Variants in PLEKHG5 observed in about 807,000 individuals in gnomAD.
The protein encoded by PLEKHG5 is pleckstrin homology domain-containing family G member 5.
In PLEKHG5, 52 loss-of-function variants were observed where a neutral mutation model predicts 103.8. The observed-to-expected ratio is 0.50, with a 90% CI of 0.40 to 0.63. The LOEUF (loss-of-function observed/expected upper bound fraction) is 0.63, where lower values mean the gene tolerates loss of function less well. Among genes scored for constraint, PLEKHG5 ranks in the 30% least tolerant of loss-of-function variants. The probability of loss-of-function intolerance (pLI) is 0.00; values close to 1 mark genes in which losing one functional copy is unlikely to be tolerated. For synonymous variants in PLEKHG5, 592 were observed against 575.5 expected (o/e 1.03, Z -0.41); for missense variants, 1,205 against 1,347.6 (o/e 0.89, Z 1.66).
rs1422946016 is a variant in PLEKHG5, at chr1:6,468,243, G to A, written c.2593C>T (p.Gln865Ter). The change falls in exon 20 of 21, where the codon CAG becomes TAG. Residue 865 changes from glutamine to a stop codon, truncating the protein, a stop_gained. Coordinates refer to ENST00000377728, the MANE Select transcript of PLEKHG5 (RefSeq NM_020631.6). LOFTEE classifies it high-confidence loss of function. ...SPRLRRRTPV[Q>*]LLSCPPHLLK... ...AGGTGGGGCGGGCAGCTCAACAGCT[G>A]GACAGGGGTGCGGCGGCGGAGACGG... 2.5e-6 allele frequency: 4 copies of A among 1,600,166 alleles called. No homozygotes were observed. Among genetic ancestry groups the A allele is most frequent in the South Asian group, 1.1e-5 (1 of 89,476 alleles).
chr1:6,479,448 G>A lies in PLEKHG5; in HGVS notation c.-87-1790C>T, dbSNP rs576079924. ...ACTACAGGCGCCCGCCACCACGCCC[G>A]GCTAATTTTTTGTATTTTTGGTAGA... On this transcript the variant is annotated intron_variant, in intron 1 of 20. Transcript: ENST00000377728. Among the ~76,000 whole-genome samples the A allele has an allele frequency of 4.7e-3, 709 of 151,584 alleles. 6 individuals carry two copies. Among genetic ancestry groups the A allele is most frequent in the African/African-American group, 0.017 (690 of 41,320 alleles).
At chr1:6,489,668 G>A (rs538338420) in intron 1 of PLEKHG5, among the ~76,000 whole-genome samples, 1 of 152,272 alleles carries the variant, frequency 6.6e-6, no homozygotes, top group African/African-American at 2.4e-5. Context: ...TCCTTGGTAG[G>A]GAGCGGGGGA....
chr1:6,472,659 G>A (rs1465359074), intron 9 of PLEKHG5, 37 bp from the exon 10 acceptor site: 1 of 1,497,974 alleles, frequency 6.7e-7, no homozygotes, highest in Non-Finnish European at 9.2e-7. Context: ...CACGAGGCCT[G>A]GAGCACCTTA....
chr1:6,486,358 C>A lies in PLEKHG5; in HGVS notation c.-88+5279G>T, dbSNP rs67811337. On this transcript the variant is annotated intron_variant, in intron 1 of 20. Coordinates refer to ENST00000377728, the MANE Select transcript of PLEKHG5 (RefSeq NM_020631.6). The surrounding 1 kb of genome is among the most constrained non-coding windows in gnomAD (Gnocchi z 5.3). Reference sequence around the variant, plus strand: ...CACACACCCACCCCAACCTCACAACCAGCTCTCATCTCAGCCCCTCCCATC... The same window carrying A: ...CACACACCCACCCCAACCTCACAACAAGCTCTCATCTCAGCCCCTCCCATC... 0.055 allele frequency among the ~76,000 whole-genome samples: 8,293 copies of A among 152,040 alleles called. 296 individuals carry two copies. The highest frequency in any genetic ancestry group is 0.087 in the South Asian group (418 of 4,812).
At position 6,486,003 on chromosome 1, in the gene PLEKHG5, A is replaced by C. The variant is rs1484109852; in HGVS notation, c.-88+5634T>G. On this transcript the variant is annotated intron_variant, in intron 1 of 20. Coordinates refer to ENST00000377728, the MANE Select transcript of PLEKHG5 (RefSeq NM_020631.6). The surrounding 1 kb of genome is among the most constrained non-coding windows in gnomAD (Gnocchi z 5.3). ...CCCCCCCCCACCTTGGAGACTGTGG[A>C]GCCCCTCCCCTGGGTGACTCGATCC... The C allele has an allele frequency of 1.5e-6, 1 of 667,916 alleles. No homozygotes were observed. Among genetic ancestry groups the C allele is most frequent in the Non-Finnish European group, 1.8e-6 (1 of 548,820 alleles). The allele number at this position is 667,916 out of a possible 1,614,324, so 41.4% of individuals were successfully genotyped here. A position where few individuals can be genotyped will look rare whatever the true frequency, so the allele number is the denominator to read the frequency against.
At chr1:6,504,388 C>G (rs531793384) in intron 1 of PLEKHG5, among the ~76,000 whole-genome samples, 3 of 152,064 alleles carry the variant, frequency 2.0e-5, no homozygotes, top group Non-Finnish European at 4.4e-5. Flanking sequence ...CTTCTGCGCA[C>G]GTCCCGATGG....
In PLEKHG5 at chr1:6,470,861, G is replaced by A. The variant is rs1158284685; in HGVS notation, c.1416C>T (p.Cys472=). 6.4e-7 allele frequency: 1 copy of A among 1,574,170 alleles called. No homozygotes were observed. The highest frequency in any genetic ancestry group is 2.3e-5 in the East Asian group (1 of 43,040). Residue 472 remains cysteine (C), a synonymous_variant, in exon 14 of 21, where the codon TGC becomes TGT. Transcript: ENST00000377728. ...YITWAEKHPQ[C]QRLKLSDMLA... ...GCATGTCGCTCAGCTTCAGCCTCTG[G>A]CACTGTGGGTGCTTCTCCGCCCACT...
chr1:6,483,622 A>T (rs1644953741), intron 1 of PLEKHG5, among the ~76,000 whole-genome samples: 1 of 152,148 alleles, frequency 6.6e-6, no homozygotes, highest in South Asian at 2.1e-4. Flanking sequence ...CCATGATCAC[A>T]TTGCTGCACT....
In PLEKHG5 at chr1:6,473,040, G is replaced by A; in HGVS notation, c.930C>T (p.Asp310=). ...EEEYDEDEDE[D]NACLRLEDSW... ...TGTCCTCCAGCCTCAGGCAGGCATTGTCCTCATCCTCGTCTTCATCGTACT... is the reference window on the plus strand; with the variant it reads ...TGTCCTCCAGCCTCAGGCAGGCATTATCCTCATCCTCGTCTTCATCGTACT... Residue 310 remains aspartate, a synonymous_variant, in exon 9 of 21, where the codon GAC becomes GAT. Coordinates refer to ENST00000377728, the MANE Select transcript of PLEKHG5 (RefSeq NM_020631.6). The A allele has an allele frequency of 6.2e-7, 1 of 1,614,074 alleles. No individual in the cohort carries two copies. Among genetic ancestry groups the A allele is most frequent in the Non-Finnish European group, 8.5e-7 (1 of 1,180,004 alleles).
rs1383335277 is a variant in PLEKHG5, at chr1:6,471,043, C to T, written c.1339G>A (p.Glu447Lys). 1 of 1,605,916 alleles carries T rather than the reference C, an allele frequency of 6.2e-7. No individual in the cohort carries two copies. The highest frequency in any genetic ancestry group is 8.5e-7 in the Non-Finnish European group (1 of 1,176,670). ...RYCMEEEGCM[E>K]YMRGLLRDND... ...TCGCGCAGCAGGCCGCGCATGTACT[C>T]CATGCAGCCCTCCTCCTCCATGCAG... The change falls in exon 13 of 21, where the codon GAG becomes AAG. Residue 447 changes from glutamate to lysine, a missense_variant. Physicochemically the swap from Glu to Lys is moderately conservative, Grantham distance 56. Transcript: ENST00000377728.
chr1:6,469,691 G>T lies in PLEKHG5; in HGVS notation c.1801-15C>A. On this transcript the variant is annotated splice_polypyrimidine_tract_variant and intron_variant, in intron 16 of 20. Transcript: ENST00000377728. ...TACACATCCATCTGCAGTGGCAGGA[G>T]GGGGGGTGGCCAGAGAGGCCAGCAG... 7 of 1,608,162 alleles carry T rather than the reference G, an allele frequency of 4.4e-6. No homozygotes were observed. Among genetic ancestry groups the T allele is most frequent in the South Asian group, 1.1e-5 (1 of 90,866 alleles).
At position 6,491,164 on chromosome 1, in the gene PLEKHG5, T is replaced by A. The variant is rs1273173760; in HGVS notation, c.-88+473A>T. 6.6e-6 allele frequency among the ~76,000 whole-genome samples: 1 copy of A among 151,840 alleles called. No individual in the cohort carries two copies. Among genetic ancestry groups the A allele is most frequent in the Non-Finnish European group, 1.5e-5 (1 of 67,932 alleles). On this transcript the variant is annotated intron_variant, in intron 1 of 20. Transcript: ENST00000377728. The surrounding 1 kb of genome is among the most constrained non-coding windows in gnomAD (Gnocchi z 4.1). ...GTTCTGCCATTTAGTGGTTCCCAGT[T>A]CCCCTCTCCCAGCAGCGGGAGTTTA...
At chr1:6,496,988 G>A (rs1283270344), upstream of PLEKHG5, 1 of 1,528,538 alleles carries the variant, frequency 6.5e-7, no homozygotes, top group East Asian at 2.5e-5. Flanking sequence ...AGAGACAGAG[G>A]AGCCCCCGAA....
Position 6,476,067 on chromosome 1 carries a change from C to T in PLEKHG5, c.44-31G>A. On this transcript the variant is annotated intron_variant, in intron 2 of 20. Coordinates refer to ENST00000377728, the MANE Select transcript of PLEKHG5 (RefSeq NM_020631.6). ...GAGAAAGCAGGAGAGGGTTGTGCCTCCCCCGCCCCTCCTTAGCCTGCAGCA... is the reference window on the plus strand; with the variant it reads ...GAGAAAGCAGGAGAGGGTTGTGCCTTCCCCGCCCCTCCTTAGCCTGCAGCA... The T allele has an allele frequency of 3.2e-6, 5 of 1,577,506 alleles. No individual in the cohort carries two copies. The South Asian group carries it at 5.5e-5, about 17-fold the overall frequency.
chr1:6,489,817 G>A (rs188582410), intron 1 of PLEKHG5, among the ~76,000 whole-genome samples: 69 of 152,334 alleles, frequency 4.5e-4, no homozygotes, highest in Non-Finnish European at 8.8e-4. Flanking sequence ...CCAGGTCCTA[G>A]TGTGTGCCCG....
upstream of PLEKHG5, among the ~76,000 whole-genome samples, chr1:6,492,422 G>A (rs1201828663): frequency 5.3e-5 from 8 of 152,252 alleles, no homozygotes; most frequent in East Asian, 1.5e-3. Context: ...GAGGGCAGGG[G>A]GAACCCACAA....
At chr1:6,516,236 C>T (rs1007543162) in intron 1 of PLEKHG5, among the ~76,000 whole-genome samples, 2 of 151,684 alleles carry the variant, frequency 1.3e-5, no homozygotes, top group East Asian at 1.9e-4. Context: ...CCAGCCTAAG[C>T]GATATAGCAA....
chr1:6,496,470 C>T (rs1645226694), upstream of PLEKHG5: 4 of 1,584,266 alleles, frequency 2.5e-6, no homozygotes, highest in African/African-American at 1.3e-5. Flanking sequence ...CCCGAGGGTC[C>T]CCAGGCTCTC....
intron 1 of PLEKHG5, among the ~76,000 whole-genome samples, chr1:6,507,058 C>G (rs1001983796): frequency 6.6e-6 from 1 of 152,174 alleles, no homozygotes; most frequent in Non-Finnish European, 1.5e-5. Context: ...AGCGGACAGG[C>G]GGGGAAATGA....
Sources: gnomAD v4.1 joint callset for allele counts (sites outside exome capture counted in the v4.1 genomes callset) on GRCh38, gnomAD v4.1.1 for gene constraint, Gnocchi (gnomAD v3.1) non-coding constraint, MANE v1.5 for transcripts, NCBI Gene and HGNC (gene_info 2026-07-23, HGNC 2026-07-21) for gene names.